Variants in UGT1A4 observed in about 807,000 individuals in gnomAD.
UGT1A4 encodes the protein UDP glucuronosyltransferase family 1 member A4.
A neutral mutation model predicts 41.1 loss-of-function variants in UGT1A4; 32 were observed. That is an observed-to-expected ratio of 0.78 (90% CI 0.59 to 1.05). The LOEUF is 1.05. Among genes scored for constraint, UGT1A4 ranks in the 50% least tolerant of loss-of-function variants. UGT1A4 has a pLI of 0.00. For synonymous variants in UGT1A4, 283 were observed against 265.1 expected (o/e 1.07, Z -0.66); for missense variants, 748 against 677.4 (o/e 1.10, Z -1.16).
At chr2:233,760,284 C>G (rs752018052) in intron 1 of UGT1A4, 1 of 1,612,882 alleles carries the variant, frequency 6.2e-7, no homozygotes, top group Non-Finnish European at 8.5e-7. Context: ...GGAGCAAAGG[C>G]GCCATGGCTG....
At chr2:233,750,028 T>C (rs1368553754) in intron 1 of UGT1A4, among the ~76,000 whole-genome samples, 13 of 151,882 alleles carry the variant, frequency 8.6e-5, no homozygotes, top group Admixed American at 8.5e-4. Context: ...AGTACTGCTA[T>C]AAAGATACTT....
intron 1 of UGT1A4, among the ~76,000 whole-genome samples, chr2:233,757,560 A>ATT (rs904896556): frequency 8.1e-6 from 1 of 123,146 alleles, no homozygotes; most frequent in African/African-American, 3.4e-5. Flanking sequence ...ATATATATAT[A>ATT]TGTATATATG....
At chr2:233,743,996 C>T (rs76063448) in intron 1 of UGT1A4, 37,130 of 1,239,474 alleles carry the variant, frequency 0.03, 683 homozygotes, top group African/African-American at 0.05. Context: ...GGCCCGAGTG[C>T]TCGGAGACCT....
chr2:233,748,079 G>A (rs1693856284), intron 1 of UGT1A4: 2 of 1,613,192 alleles, frequency 1.2e-6, no homozygotes, highest in Middle Eastern at 3.4e-4. Flanking sequence ...CACTATCTCA[G>A]GTCGGTGTTC....
At chr2:233,750,986 G>A (rs1230774000) in intron 1 of UGT1A4, among the ~76,000 whole-genome samples, 5 of 151,784 alleles carry the variant, frequency 3.3e-5, no homozygotes, top group African/African-American at 1.2e-4. Context: ...TTGTGAGAAG[G>A]CGGCCACCAT....
Position 233,743,607 on chromosome 2 carries a change from A to G in UGT1A4, c.868-23427A>G, listed in dbSNP as rs531629615. 1.8e-5 allele frequency: 24 copies of G among 1,367,342 alleles called. No homozygotes were observed. In the East Asian group the frequency reaches 1.0e-3, roughly 57 times the overall value. 84.7% of individuals were successfully genotyped at this position (1,367,342 alleles called of 1,614,324 possible). A position where few individuals can be genotyped will look rare whatever the true frequency, so the allele number is the denominator to read the frequency against. The stretch of plus-strand genomic sequence containing the variant: ...AAGGAGAATGGGTCCTGGCCGCCGA[A>G]GAACTCCCTGAAGACGTCGGCTGGG... On this transcript the variant is annotated intron_variant, in intron 1 of 4. Transcript: ENST00000373409.
chr2:233,718,743 A>C lies in UGT1A4; in HGVS notation c.-78A>C. ...TGATTTGCTAGGTGGCTCAATGACA[A>C]GGTAATTAAGGCGAAGGAAACAAAT... On this transcript the variant is annotated 5_prime_UTR_variant, in exon 1 of 5. Transcript: ENST00000373409. The C allele has an allele frequency of 6.2e-7, 1 of 1,612,082 alleles. No homozygotes were observed. Among genetic ancestry groups the C allele is most frequent in the Admixed American group, 1.7e-5 (1 of 60,018 alleles).
rs116287140 is a variant in UGT1A4, at chr2:233,728,043, T to C, written c.867+8356T>C. 7.7e-3 allele frequency among the ~76,000 whole-genome samples: 1,172 copies of C among 152,330 alleles called. 16 individuals are homozygous for C. The highest frequency in any genetic ancestry group is 0.027 in the African/African-American group (1,131 of 41,566). On this transcript the variant is annotated intron_variant, in intron 1 of 4. Transcript: ENST00000373409. ...GTGACTTTCTGGAGTAGGATAAGCC[T>C]CATTGGGCTTGAGGCCCTTGTGAGT...
At chr2:233,760,958 A>T (rs976503144) in intron 1 of UGT1A4, 1 of 1,614,176 alleles carries the variant, frequency 6.2e-7, no homozygotes, top group African/African-American at 1.3e-5. Flanking sequence ...TTTCTGTGCG[A>T]CGTGGTTTAT....
intron 1 of UGT1A4, among the ~76,000 whole-genome samples, chr2:233,744,443 C>T (rs1003987688): frequency 1.2e-4 from 18 of 151,818 alleles, no homozygotes; most frequent in African/African-American, 3.9e-4. Flanking sequence ...ATACGTACTG[C>T]ATTAGAGATT....
intron 1 of UGT1A4, chr2:233,721,798 T>C (rs1311334621): frequency 1.9e-6 from 1 of 514,350 alleles, no homozygotes; most frequent in East Asian, 5.5e-5. Flanking sequence ...TTAAAGCACA[T>C]GCAGCAAAAA....
intron 1 of UGT1A4, among the ~76,000 whole-genome samples, chr2:233,736,629 C>T (rs558858921): frequency 6.6e-6 from 1 of 152,208 alleles, no homozygotes; most frequent in Admixed American, 6.5e-5. Flanking sequence ...CTTTTCTGCT[C>T]TAGTTTCCCC....
chr2:233,724,303 C>T (rs1272665278), intron 1 of UGT1A4, among the ~76,000 whole-genome samples: 6 of 139,774 alleles, frequency 4.3e-5, no homozygotes, highest in South Asian at 2.5e-4. Flanking sequence ...CCCCCCACCT[C>T]CCTCCCGGAC....
chr2:233,772,961 T>C lies in UGT1A4; in HGVS notation c.*402T>C, dbSNP rs1575872902. On this transcript the variant is annotated 3_prime_UTR_variant, in exon 5 of 5. Transcript: ENST00000373409. The stretch of plus-strand genomic sequence containing the variant: ...TTTGGCTTCTGCAGATGGTTGCAAT[T>C]GATCCTTAACCAATAATGGTCAGTC... 2 of 315,806 alleles carry C rather than the reference T, an allele frequency of 6.3e-6. No homozygotes were observed. Among genetic ancestry groups the C allele is most frequent in the East Asian group, 1.6e-4 (2 of 12,236 alleles). 19.6% of individuals were successfully genotyped at this position (315,806 alleles called of 1,614,324 possible).
rs531889004 is a variant in UGT1A4 at position 233,731,047 on chromosome 2, T to C, written c.867+11360T>C. Among the ~76,000 whole-genome samples, 5 of 152,366 alleles carry C rather than the reference T, an allele frequency of 3.3e-5. No homozygotes were observed. In the East Asian group the frequency reaches 5.8e-4, roughly 18 times the overall value. On this transcript the variant is annotated intron_variant, in intron 1 of 4. Transcript: ENST00000373409. ...GCCTTTTTATGTCATATTCACCGAA[T>C]GTGTATGAACTTCCATGATTTAGAT...
chr2:233,765,623 G>A (rs1698893578), intron 1 of UGT1A4, among the ~76,000 whole-genome samples: 1 of 151,662 alleles, frequency 6.6e-6, no homozygotes, highest in Admixed American at 6.6e-5. Flanking sequence ...AGGGGTGAGG[G>A]GAGGAACTTA....
Position 233,773,232 on chromosome 2 carries a change from G to A in UGT1A4, c.*673G>A, listed in dbSNP as rs915315951. On this transcript the variant is annotated 3_prime_UTR_variant, in exon 5 of 5. Transcript: ENST00000373409. Reference sequence around the variant, plus strand: ...ACCCAAAATACAGCTATGAAGTGCTGGGCAAGTTTACTTTTTTTCTGATGT... The same window carrying A: ...ACCCAAAATACAGCTATGAAGTGCTAGGCAAGTTTACTTTTTTTCTGATGT... The A allele has an allele frequency of 1.3e-5, 2 of 152,202 alleles. No individual in the cohort carries two copies. Among genetic ancestry groups the A allele is most frequent in the East Asian group, 3.7e-4 (2 of 5,344 alleles). The allele number at this position is 152,202 out of a possible 1,614,324, so 9.4% of individuals were successfully genotyped here. A position where few individuals can be genotyped will look rare whatever the true frequency, so the allele number is the denominator to read the frequency against.
intron 1 of UGT1A4, among the ~76,000 whole-genome samples, chr2:233,739,213 A>G (rs1053433139): frequency 6.6e-6 from 1 of 152,254 alleles, no homozygotes; most frequent in Non-Finnish European, 1.5e-5. Context: ...CTGCATGGAT[A>G]GAGTCCTTAT....
chr2:233,755,278 G>T, intron 1 of UGT1A4: 4 of 710,378 alleles, frequency 5.6e-6, no homozygotes, highest in Non-Finnish European at 8.6e-6. Flanking sequence ...ATGCTGGACT[G>T]CCAAAGAGCC....
Sources: gnomAD v4.1 joint callset for allele counts (sites outside exome capture counted in the v4.1 genomes callset) on GRCh38, gnomAD v4.1.1 for gene constraint, MANE v1.5 for transcripts, NCBI Gene and HGNC (gene_info 2026-07-23, HGNC 2026-07-21) for gene names.